Variants in CACHD1 observed in about 807,000 individuals in gnomAD.
The protein encoded by CACHD1 is VWFA and cache domain-containing protein 1.
CACHD1 carries 71 observed loss-of-function variants against 138.7 expected under a neutral mutation model. The observed-to-expected ratio is 0.51, with a 90% CI of 0.42 to 0.62. The LOEUF (loss-of-function observed/expected upper bound fraction) is 0.62. CACHD1 is among the 20% of genes least tolerant of loss of function. CACHD1 has a pLI of 0.00. For missense variants in CACHD1, 1,389 were observed against 1,625.3 expected, an observed-to-expected ratio of 0.85 and a Z score of 2.50; for synonymous variants, 578 against 591.5, an observed-to-expected ratio of 0.98 and a Z score of 0.33.
intron 2 of CACHD1, among the ~76,000 whole-genome samples, chr1:64,556,681 C>T (rs1386677601): frequency 1.2e-4 from 4 of 34,488 alleles, no homozygotes; most frequent in Non-Finnish European, 5.0e-4. Flanking sequence ...CTTGCTTTTA[C>T]TCATTTCTTT....
At chr1:64,640,244 C>G (rs761773620) in intron 7 of CACHD1, among the ~76,000 whole-genome samples, 2 of 152,196 alleles carry the variant, frequency 1.3e-5, no homozygotes, top group Non-Finnish European at 2.9e-5. Flanking sequence ...ACTAAGGGAC[C>G]AAGTTTGAGG....
chr1:64,681,949 G>A, intron 25 of CACHD1, 56 bp from the exon 26 acceptor site: 10 of 1,470,352 alleles, frequency 6.8e-6, no homozygotes, highest in African/African-American at 1.4e-5. Context: ...AAATGTGTTT[G>A]AAACAATGGA....
chr1:64,587,598 G>A (rs780243662), intron 3 of CACHD1, among the ~76,000 whole-genome samples: 29 of 152,098 alleles, frequency 1.9e-4, no homozygotes, highest in Non-Finnish European at 3.1e-4. Flanking sequence ...TGTTGTTGAA[G>A]GAATGATCTA....
intron 1 of CACHD1, among the ~76,000 whole-genome samples, chr1:64,543,065 A>C (rs1310264160): frequency 6.6e-6 from 1 of 152,012 alleles, no homozygotes; most frequent in African/African-American, 2.4e-5. Flanking sequence ...ACATATTAAC[A>C]ATAAATTTTT....
chr1:64,494,172 G>A (rs1012794940), intron 1 of CACHD1, among the ~76,000 whole-genome samples: 5 of 152,200 alleles, frequency 3.3e-5, no homozygotes, highest in Non-Finnish European at 7.3e-5. Flanking sequence ...CCACTTCTCT[G>A]AGCCCTAGTG....
intron 1 of CACHD1, among the ~76,000 whole-genome samples, chr1:64,548,938 T>C (rs2100449156): frequency 6.6e-6 from 1 of 152,274 alleles, no homozygotes; most frequent in Non-Finnish European, 1.5e-5. Flanking sequence ...AGGTAGCAAA[T>C]TCTTATAAGA....
chr1:64,645,244 A>G (rs994273428), intron 8 of CACHD1, among the ~76,000 whole-genome samples: 1 of 152,222 alleles, frequency 6.6e-6, no homozygotes, highest in African/African-American at 2.4e-5. Context: ...AGATAGAAGG[A>G]ATAAGATCTA....
intron 1 of CACHD1, among the ~76,000 whole-genome samples, chr1:64,545,369 A>C (rs1646710635): frequency 3.3e-5 from 5 of 152,208 alleles, no homozygotes. Context: ...GCCCTATTCT[A>C]TTCATTCTCC....
intron 4 of CACHD1, among the ~76,000 whole-genome samples, chr1:64,618,044 C>T (rs1020755275): frequency 9.3e-5 from 14 of 150,110 alleles, no homozygotes; most frequent in East Asian, 2.0e-4. Context: ...CATGCCATTG[C>T]GCTCCAGCTT....
chr1:64,578,177 G>A (rs1415341376), intron 2 of CACHD1, among the ~76,000 whole-genome samples: 47 of 152,328 alleles, frequency 3.1e-4, no homozygotes, highest in South Asian at 2.1e-4. Flanking sequence ...GCACCGCAGC[G>A]AGTGCATGAG....
chr1:64,517,903 C>G (rs1471755293), intron 1 of CACHD1, among the ~76,000 whole-genome samples: 1 of 152,114 alleles, frequency 6.6e-6, no homozygotes, highest in Non-Finnish European at 1.5e-5. Flanking sequence ...ACTTGGCAGT[C>G]CTGTGGCTGT....
chr1:64,528,721 T>C (rs1170312767), intron 1 of CACHD1, among the ~76,000 whole-genome samples: 1 of 152,192 alleles, frequency 6.6e-6, no homozygotes, highest in Non-Finnish European at 1.5e-5. Flanking sequence ...TACTTTTATA[T>C]ACTCATGAGA....
intron 13 of CACHD1, among the ~76,000 whole-genome samples, chr1:64,663,074 C>CT (rs2100700828): frequency 6.6e-6 from 1 of 152,324 alleles, no homozygotes; most frequent in Admixed American, 6.5e-5. Context: ...CAGAAAATGG[C>CT]TTTAATCCAG....
At chr1:64,627,794 T>A (rs1648162965) in intron 4 of CACHD1, among the ~76,000 whole-genome samples, 1 of 152,182 alleles carries the variant, frequency 6.6e-6, no homozygotes, top group Admixed American at 6.5e-5. Flanking sequence ...TAGCTGTGGA[T>A]ATTCATTTGT....
At chr1:64,668,337 A>G (rs1215323919) in intron 16 of CACHD1, among the ~76,000 whole-genome samples, 2 of 151,408 alleles carry the variant, frequency 1.3e-5, no homozygotes, top group Non-Finnish European at 2.9e-5. Flanking sequence ...AAAAAAAAAA[A>G]AAAAGAAAAA....
intron 1 of CACHD1, among the ~76,000 whole-genome samples, chr1:64,500,717 TAAA>T (rs72436564): frequency 5.9e-5 from 2 of 33,924 alleles, no homozygotes; most frequent in Non-Finnish European, 1.0e-4. Context: ...CCTTGTCTCT[TAAA>T]AAAAAAAAAA....
chr1:64,660,562 C>T (rs1406065205), intron 13 of CACHD1, among the ~76,000 whole-genome samples: 1 of 150,142 alleles, frequency 6.7e-6, no homozygotes, highest in Non-Finnish European at 1.5e-5. Context: ...GGGAGTTTTG[C>T]TCTTGTCACC....
intron 5 of CACHD1, 117 bp downstream of exon 5, chr1:64,629,598 G>T (rs1178304263): frequency 4.9e-6 from 6 of 1,233,498 alleles, no homozygotes; most frequent in Non-Finnish European, 6.6e-6. Flanking sequence ...TCAGAAATTT[G>T]TACTTGTTCT....
In CACHD1 at chr1:64,691,873, G is replaced by A. The variant is rs1017405872; in HGVS notation, c.*312G>A. 1 of 341,358 alleles carries A rather than the reference G, an allele frequency of 2.9e-6. No individual in the cohort carries two copies. Among genetic ancestry groups the A allele is most frequent in the Non-Finnish European group, 5.5e-6 (1 of 181,298 alleles). 21.1% of individuals were successfully genotyped at this position (341,358 alleles called of 1,614,324 possible). A position where few individuals can be genotyped will look rare whatever the true frequency, so the allele number is the denominator to read the frequency against. On this transcript the variant is annotated 3_prime_UTR_variant, in exon 27 of 27. Coordinates refer to ENST00000651257, the MANE Select transcript of CACHD1 (RefSeq NM_020925.4). Reference sequence around the variant, plus strand: ...CACAGAGACGGAACCTGCAAGTGAAGCTGAGCCAGAGGAATGTTCCAAAGA... The same window carrying A: ...CACAGAGACGGAACCTGCAAGTGAAACTGAGCCAGAGGAATGTTCCAAAGA...
Sources: allele counts gnomAD v4.1 joint callset (sites outside exome capture counted in the v4.1 genomes callset), GRCh38; gene constraint gnomAD v4.1.1; transcripts MANE v1.5; gene names NCBI Gene and HGNC (gene_info 2026-07-23, HGNC 2026-07-21).